The following KIAA1217 variants were observed in gnomAD, a reference collection of about 807,000 sequenced individuals.
The protein encoded by KIAA1217 is KIAA1217, also known as sickle tail protein homolog.
In KIAA1217, 88 loss-of-function variants were observed where a neutral mutation model predicts 163.9. The observed-to-expected ratio is 0.54, with a 90% CI of 0.45 to 0.64. The LOEUF is 0.64. Among genes scored for constraint, KIAA1217 ranks in the 30% least tolerant of loss-of-function variants. KIAA1217 has a pLI of 0.00. For missense variants in KIAA1217, 2,372 were observed against 2,475.0 expected, an observed-to-expected ratio of 0.96 and a Z score of 0.88; for synonymous variants, 903 against 923.1, an observed-to-expected ratio of 0.98 and a Z score of 0.39.
intron 2 of KIAA1217, among the ~76,000 whole-genome samples, chr10:24,286,772 A>G (rs951985145): frequency 1.3e-5 from 2 of 152,166 alleles, no homozygotes; most frequent in South Asian, 4.1e-4. Context: ...TCTTGGTGCT[A>G]AGATTCTGTT....
At chr10:24,179,830 C>T (rs183420753) in intron 2 of KIAA1217, among the ~76,000 whole-genome samples, 13 of 152,180 alleles carry the variant, frequency 8.5e-5, no homozygotes, top group Admixed American at 2.6e-4. Context: ...TCAAGTGATC[C>T]GCCTGTGTCA....
chr10:23,854,590 A>T (rs1349693447), intron 1 of KIAA1217, among the ~76,000 whole-genome samples: 1 of 152,090 alleles, frequency 6.6e-6, no homozygotes. Flanking sequence ...TGTCTCGTTG[A>T]TCTGTCTAAT....
intron 2 of KIAA1217, among the ~76,000 whole-genome samples, chr10:24,147,916 G>A (rs573844465): frequency 6.1e-4 from 90 of 148,264 alleles, no homozygotes; most frequent in African/African-American, 2.1e-3. Context: ...GTCTAGATTC[G>A]CATTTTCAAT....
chr10:23,722,928 C>T (rs560067307), intron 1 of KIAA1217, among the ~76,000 whole-genome samples: 1 of 152,194 alleles, frequency 6.6e-6, no homozygotes, highest in African/African-American at 2.4e-5. Flanking sequence ...TCTGTTCCTC[C>T]CTTTATTCTG....
At chr10:24,469,854 C>T (rs187686893) in intron 5 of KIAA1217, among the ~76,000 whole-genome samples, 22 of 152,288 alleles carry the variant, frequency 1.4e-4, no homozygotes, top group African/African-American at 4.6e-4. Flanking sequence ...TCAAGTGATC[C>T]GCCTGCCTCG....
chr10:24,498,085 G>A (rs541412775), intron 8 of KIAA1217, among the ~76,000 whole-genome samples: 17 of 152,238 alleles, frequency 1.1e-4, no homozygotes, highest in South Asian at 2.1e-4. Flanking sequence ...CAGTAGTGGC[G>A]TGAAGGCGTT....
intron 2 of KIAA1217, among the ~76,000 whole-genome samples, chr10:24,186,536 G>T (rs1715136848): frequency 6.6e-6 from 1 of 152,114 alleles, no homozygotes; most frequent in South Asian, 2.1e-4. Flanking sequence ...CCAATTACTT[G>T]GTTTTCTCCA....
At chr10:24,298,284 T>C (rs2040860050) in intron 2 of KIAA1217, among the ~76,000 whole-genome samples, 1 of 149,580 alleles carries the variant, frequency 6.7e-6, no homozygotes, top group Non-Finnish European at 1.5e-5. Flanking sequence ...CTTATTTGTT[T>C]AGAAATTTTT....
intron 3 of KIAA1217, among the ~76,000 whole-genome samples, chr10:24,382,427 T>TA (rs1009044649): frequency 2.4e-4 from 36 of 151,408 alleles, no homozygotes; most frequent in Non-Finnish European, 4.3e-4. Context: ...CTAGCTGTCC[T>TA]AAAAAAAAAC....
chr10:24,185,436 A>G (rs2066380016), intron 2 of KIAA1217, among the ~76,000 whole-genome samples: 1 of 152,186 alleles, frequency 6.6e-6, no homozygotes, highest in South Asian at 2.1e-4. Context: ...GAATTAATCC[A>G]TACCCATGAT....
intron 6 of KIAA1217, among the ~76,000 whole-genome samples, chr10:24,479,676 A>C (rs1436142370): frequency 6.6e-6 from 1 of 152,182 alleles, no homozygotes; most frequent in Non-Finnish European, 1.5e-5. Context: ...TATTTAGCTC[A>C]TGGTTCTAGA....
chr10:23,884,034 A>C (rs921460515), intron 1 of KIAA1217, among the ~76,000 whole-genome samples: 26 of 151,946 alleles, frequency 1.7e-4, no homozygotes, highest in Non-Finnish European at 3.7e-4. Context: ...GTTGTTTCCA[A>C]GTTTTGGCAA....
intron 1 of KIAA1217, among the ~76,000 whole-genome samples, chr10:23,819,842 C>T (rs1040303409): frequency 1.3e-5 from 2 of 152,080 alleles, no homozygotes; most frequent in Non-Finnish European, 2.9e-5. Flanking sequence ...AATTCAGTGC[C>T]ACCTGAGTCA....
upstream of KIAA1217, among the ~76,000 whole-genome samples, chr10:24,206,820 G>A (rs890950987): frequency 1.3e-5 from 2 of 152,022 alleles, no homozygotes; most frequent in Non-Finnish European, 2.9e-5. Context: ...TGGCCCGTAT[G>A]GGGGAGGGGA....
At chr10:24,304,507 T>A (rs1272007496) in intron 2 of KIAA1217, among the ~76,000 whole-genome samples, 1 of 152,036 alleles carries the variant, frequency 6.6e-6, no homozygotes, top group Non-Finnish European at 1.5e-5. Context: ...ATCCAACTAG[T>A]TTTTTTCATT....
In KIAA1217 at chr10:24,119,318, C is replaced by T. The variant is rs559791959; in HGVS notation, c.-170-100308C>T. 7.9e-5 allele frequency among the ~76,000 whole-genome samples: 12 copies of T among 152,258 alleles called. No homozygotes were observed. In the East Asian group the frequency reaches 1.5e-3, roughly 20 times the overall value. On this transcript the variant is annotated intron_variant, in intron 2 of 18. Transcript: ENST00000376462. ...CAAACCAATTTATTTCAACTTTTGT[C>T]GACTTCTCTGGAATATTTAGGTACA...
At chr10:24,092,808 T>G (rs751743107) in intron 2 of KIAA1217, among the ~76,000 whole-genome samples, 1 of 151,770 alleles carries the variant, frequency 6.6e-6, no homozygotes, top group Admixed American at 6.6e-5. Flanking sequence ...GGAACTGTTT[T>G]GTATCATGGC....
intron 2 of KIAA1217, among the ~76,000 whole-genome samples, chr10:24,161,395 T>C (rs2131886354): frequency 6.6e-6 from 1 of 152,318 alleles, no homozygotes; most frequent in East Asian, 1.9e-4. Flanking sequence ...CCCTGTGATG[T>C]CATCATTAGT....
At chr10:24,315,219 A>G (rs2043201475) in intron 2 of KIAA1217, among the ~76,000 whole-genome samples, 1 of 152,186 alleles carries the variant, frequency 6.6e-6, no homozygotes, top group South Asian at 2.1e-4. Context: ...TGTTCAAAAT[A>G]CCTGCAGAAA....
Sources: allele counts gnomAD v4.1 joint callset (sites outside exome capture counted in the v4.1 genomes callset), GRCh38; gene constraint gnomAD v4.1.1; transcripts MANE v1.5; gene names NCBI Gene and HGNC (gene_info 2026-07-23, HGNC 2026-07-21).